The following WDPCP variants were observed in gnomAD, a reference collection of about 807,000 sequenced individuals.
WDPCP encodes the protein WD repeat containing planar cell polarity effector, also known as WD repeat-containing and planar cell polarity effector protein fritz homolog.
A neutral mutation model predicts 93.1 loss-of-function variants in WDPCP; 71 were observed. The ratio of observed to expected loss-of-function variants is 0.76; its 90% CI spans 0.63 to 0.93. WDPCP has a LOEUF of 0.93. WDPCP is among the 40% of genes least tolerant of loss of function. The probability of loss-of-function intolerance (pLI) is 0.00; values close to 1 mark genes in which losing one functional copy is unlikely to be tolerated. For synonymous variants in WDPCP, 315 were observed against 315.0 expected (o/e 1.00, Z 0.00); for missense variants, 844 against 887.4 (o/e 0.95, Z 0.62).
chr2:63,317,147 C>T (rs771625547), intron 12 of WDPCP, among the ~76,000 whole-genome samples: 3 of 152,094 alleles, frequency 2.0e-5, no homozygotes, highest in African/African-American at 7.2e-5. Flanking sequence ...TATCCAACTA[C>T]TACTGACATT....
chr2:63,824,423 C>T (rs112738236), intron 1 of WDPCP, among the ~76,000 whole-genome samples: 1 of 151,378 alleles, frequency 6.6e-6, no homozygotes, highest in Non-Finnish European at 1.5e-5. Flanking sequence ...TGGCCCATAC[C>T]CATGGTCCCA....
intron 17 of WDPCP, among the ~76,000 whole-genome samples, chr2:63,149,701 AAAT>A (rs1291922934): frequency 6.6e-6 from 1 of 152,226 alleles, no homozygotes; most frequent in Non-Finnish European, 1.5e-5. Flanking sequence ...CTATATTCAA[AAAT>A]AATATTTAGT....
upstream of WDPCP, among the ~76,000 whole-genome samples, chr2:63,591,354 G>C (rs573636292): frequency 6.6e-6 from 1 of 152,244 alleles, no homozygotes; most frequent in South Asian, 2.1e-4. Flanking sequence ...CAAACACTAA[G>C]CCTCATACTA....
At chr2:63,448,437 AACACACACAC>A (rs35247066) in intron 6 of WDPCP, among the ~76,000 whole-genome samples, 7 of 148,692 alleles carry the variant, frequency 4.7e-5, no homozygotes, top group Non-Finnish European at 1.0e-4. Context: ...AAAATACATC[AACACACACAC>A]ACACACACAC....
intron 15 of WDPCP, 86 bp from the exon 16 acceptor site, chr2:63,153,660 T>A: frequency 1.2e-6 from 1 of 845,924 alleles, no homozygotes; most frequent in African/African-American, 1.7e-5. Context: ...TTTAAAGTAT[T>A]AAAATATTTT....
chr2:63,546,910 A>AT (rs928944785), intron 1 of WDPCP, among the ~76,000 whole-genome samples: 1 of 151,976 alleles, frequency 6.6e-6, no homozygotes, highest in Non-Finnish European at 1.5e-5. Context: ...ACAGAAAACT[A>AT]TTTTTTTAAA....
chr2:63,358,070 C>G (rs1204905769), intron 12 of WDPCP, among the ~76,000 whole-genome samples: 2 of 151,980 alleles, frequency 1.3e-5, no homozygotes, highest in African/African-American at 2.4e-5. Flanking sequence ...AACATATGAA[C>G]TGGGGTCTAC....
At chr2:63,534,608 A>C (rs536479371) in intron 1 of WDPCP, among the ~76,000 whole-genome samples, 1 of 152,304 alleles carries the variant, frequency 6.6e-6, no homozygotes, top group South Asian at 2.1e-4. Context: ...AAAGACAAAA[A>C]CCACATGATT....
chr2:63,722,591 C>T (rs1669436945), intron 2 of WDPCP, among the ~76,000 whole-genome samples: 1 of 145,376 alleles, frequency 6.9e-6, no homozygotes, highest in Non-Finnish European at 1.5e-5. Flanking sequence ...CGGCCAGCCG[C>T]CCCGTCCGGG....
chr2:63,834,614 T>C, the WDPCP span, among the ~76,000 whole-genome samples: 2 of 152,232 alleles, frequency 1.3e-5, no homozygotes, highest in Non-Finnish European at 2.9e-5. Flanking sequence ...TTACCAGAGC[T>C]TCCTGGAAGG....
At chr2:63,343,099 G>C (rs908714626) in intron 12 of WDPCP, among the ~76,000 whole-genome samples, 1 of 152,178 alleles carries the variant, frequency 6.6e-6, no homozygotes, top group Non-Finnish European at 1.5e-5. Flanking sequence ...CTGCCTCCCA[G>C]GTTCGATTCT....
intron 1 of WDPCP, among the ~76,000 whole-genome samples, chr2:63,511,051 G>C (rs917813344): frequency 6.6e-6 from 1 of 152,154 alleles, no homozygotes; most frequent in Non-Finnish European, 1.5e-5. Flanking sequence ...CTTCAGCAAA[G>C]TCTCAGGATA....
At chr2:63,723,325 C>G (rs1669454419) in intron 2 of WDPCP, among the ~76,000 whole-genome samples, 1 of 151,230 alleles carries the variant, frequency 6.6e-6, no homozygotes, top group African/African-American at 2.4e-5. Context: ...CTTTTTCTCA[C>G]CCTCATATTT....
intron 12 of WDPCP, among the ~76,000 whole-genome samples, chr2:63,363,298 T>G (rs1395332568): frequency 1.3e-5 from 2 of 152,122 alleles, no homozygotes; most frequent in Non-Finnish European, 2.9e-5. Context: ...TACGTCCTAT[T>G]GTTAATAAAG....
At chr2:63,258,815 C>T (rs1681358458) in intron 14 of WDPCP, among the ~76,000 whole-genome samples, 1 of 152,036 alleles carries the variant, frequency 6.6e-6, no homozygotes, top group African/African-American at 2.4e-5. Flanking sequence ...CATTCTAAGG[C>T]TTCTGATCTG....
intron 15 of WDPCP, among the ~76,000 whole-genome samples, chr2:63,172,196 A>G (rs1673442505): frequency 6.6e-6 from 1 of 152,170 alleles, no homozygotes; most frequent in Non-Finnish European, 1.5e-5. Context: ...TGTAAGTTAT[A>G]TCTCAGTAAA....
At chr2:63,447,662 A>G (rs1186625363) in intron 6 of WDPCP, among the ~76,000 whole-genome samples, 1 of 152,146 alleles carries the variant, frequency 6.6e-6, no homozygotes, top group Non-Finnish European at 1.5e-5. Context: ...CATATTTACT[A>G]AAAAGATTGC....
chr2:63,286,147 A>G (rs1683983663), intron 13 of WDPCP, among the ~76,000 whole-genome samples: 1 of 152,138 alleles, frequency 6.6e-6, no homozygotes, highest in African/African-American at 2.4e-5. Context: ...CTAGGACTTC[A>G]GGCGCACACC....
intron 14 of WDPCP, among the ~76,000 whole-genome samples, chr2:63,257,125 T>C (rs1681219081): frequency 6.6e-6 from 1 of 152,158 alleles, no homozygotes; most frequent in South Asian, 2.1e-4. Flanking sequence ...CATCCAGCTT[T>C]TCCTTTGGCG....
Sources: gnomAD v4.1 joint callset for allele counts (sites outside exome capture counted in the v4.1 genomes callset) on GRCh38, gnomAD v4.1.1 for gene constraint, MANE v1.5 for transcripts, NCBI Gene and HGNC (gene_info 2026-07-23, HGNC 2026-07-21) for gene names.